Variants in TGM3 observed in about 807,000 individuals in gnomAD.
The protein encoded by TGM3 is protein-glutamine gamma-glutamyltransferase E.
In TGM3, 52 loss-of-function variants were observed where a neutral mutation model predicts 73.8. The ratio of observed to expected loss-of-function variants is 0.70; its 90% CI spans 0.56 to 0.89. The LOEUF (loss-of-function observed/expected upper bound fraction) is 0.89, where lower values mean the gene tolerates loss of function less well. Ranked by LOEUF, TGM3 falls within the 40% of genes least tolerant of loss-of-function variation. The pLI, the probability that TGM3 is intolerant of heterozygous loss-of-function variation, is 0.00. For synonymous variants in TGM3, 372 were observed against 354.9 expected, an observed-to-expected ratio of 1.05 and a Z score of -0.54; for missense variants, 928 against 909.9, an observed-to-expected ratio of 1.02 and a Z score of -0.26.
At chr20:2,322,065 T>A (rs1316694130) in intron 7 of TGM3, among the ~76,000 whole-genome samples, 1 of 152,010 alleles carries the variant, frequency 6.6e-6, no homozygotes, top group Non-Finnish European at 1.5e-5. Context: ...CTCACCCACC[T>A]GGGACCATCT....
chr20:2,324,755 T>C lies in TGM3; in HGVS notation c.984-1094T>C, dbSNP rs181435852. Among the ~76,000 whole-genome samples the C allele has an allele frequency of 3.6e-3, 544 of 152,340 alleles. 10 individuals are homozygous for C. The highest frequency in any genetic ancestry group is 0.032 in the Admixed American group (493 of 15,300). ...GGCTGCCTGTCGAGTTCTTGCTCCA[T>C]GTACTTTACCCCAACTGTGGCCTTT... is the stretch of plus-strand genomic sequence containing the variant. On this transcript the variant is annotated intron_variant, in intron 7 of 12. Coordinates refer to ENST00000381458, the MANE Select transcript of TGM3 (RefSeq NM_003245.4).
chr20:2,307,998 G>C (rs1337015534), intron 1 of TGM3, among the ~76,000 whole-genome samples: 1 of 152,138 alleles, frequency 6.6e-6, no homozygotes, highest in Non-Finnish European at 1.5e-5. Context: ...AAGACGTGCA[G>C]ATCACTTGAG....
chr20:2,325,195 T>C (rs566974467), intron 7 of TGM3, among the ~76,000 whole-genome samples: 27 of 151,518 alleles, frequency 1.8e-4, no homozygotes, highest in Non-Finnish European at 2.8e-4. Flanking sequence ...TCCATGGGAG[T>C]GGAGAGGAGA....
At chr20:2,309,564 C>T (rs1600694361) in intron 1 of TGM3, 93 bp from the exon 2 acceptor site, 1 of 1,338,506 alleles carries the variant, frequency 7.5e-7, no homozygotes, top group East Asian at 2.3e-5. Flanking sequence ...TGACAAGCCT[C>T]ACCCCAAAGC....
chr20:2,307,917 T>C (rs1409083794), intron 1 of TGM3, among the ~76,000 whole-genome samples: 1 of 152,056 alleles, frequency 6.6e-6, no homozygotes. Context: ...GTGCTAGGCA[T>C]CAGAATATAA....
At position 2,340,914 on chromosome 20, in the gene TGM3, C is replaced by G. The variant is rs568520189; in HGVS notation, c.*333C>G. On this transcript the variant is annotated 3_prime_UTR_variant, in exon 13 of 13. Coordinates refer to ENST00000381458, the MANE Select transcript of TGM3 (RefSeq NM_003245.4). ...GCCCCTGACCCAGGGACTCTCCAAACGGGATACAGGAGAGAAGCTGGTCTA... is the reference window on the plus strand; with the variant it reads ...GCCCCTGACCCAGGGACTCTCCAAAGGGGATACAGGAGAGAAGCTGGTCTA... 267 of 494,466 alleles carry G rather than the reference C, an allele frequency of 5.4e-4. 1 individual carries two copies. Among genetic ancestry groups the G allele is most frequent in the African/African-American group, 4.4e-3 (226 of 51,716 alleles). The allele number at this position is 494,466 out of a possible 1,614,324, so 30.6% of individuals were successfully genotyped here.
At chr20:2,337,455 A>T (rs932204105) in intron 11 of TGM3, among the ~76,000 whole-genome samples, 5 of 152,204 alleles carry the variant, frequency 3.3e-5, no homozygotes, top group Non-Finnish European at 5.9e-5. Context: ...GCGGTGGCTC[A>T]CTCTTGCAAT....
rs1434062894 is a variant in TGM3 at position 2,328,170 on chromosome 20, G to A, written c.1138G>A (p.Val380Met). ...GGTCATTGGTGTTCGAGAGGGTGAT[G>A]TGCAGCTGAACTTCGACATGCCCTT... Reference protein sequence around the residue: ...ASVIGVREGDVQLNFDMPFIF... With the variant: ...ASVIGVREGDMQLNFDMPFIF... The change falls in exon 9 of 13, where the codon GTG becomes ATG. Residue 380 changes from valine (V) to methionine (M), a missense_variant. Val to Met is a conservative substitution (Grantham distance 21). Transcript: ENST00000381458. This position sits in a 1 kb window ranked among gnomAD's most constrained non-coding sequence, Gnocchi z 5.2. 6.2e-7 allele frequency: 1 copy of A among 1,614,192 alleles called. No homozygotes were observed. The highest frequency in any genetic ancestry group is 1.1e-5 in the South Asian group (1 of 91,082).
At chr20:2,302,082 G>T (rs775100122) in intron 1 of TGM3, among the ~76,000 whole-genome samples, 2 of 152,166 alleles carry the variant, frequency 1.3e-5, no homozygotes, top group African/African-American at 2.4e-5. Context: ...GAAAAGGTGT[G>T]GGAAGTAGAG....
intron 1 of TGM3, among the ~76,000 whole-genome samples, chr20:2,296,462 T>G (rs1702300487): frequency 6.6e-6 from 1 of 152,110 alleles, no homozygotes; most frequent in Non-Finnish European, 1.5e-5. Flanking sequence ...TATCCAGCTG[T>G]CAGCAGTGTC....
intron 3 of TGM3, 72 bp from the exon 4 acceptor site, chr20:2,310,939 A>G: frequency 7.3e-7 from 1 of 1,361,424 alleles, no homozygotes; most frequent in Non-Finnish European, 1.0e-6. Flanking sequence ...CAGGAGTGGG[A>G]GGAGAGGAGG....
chr20:2,301,756 A>T (rs190486712), intron 1 of TGM3, among the ~76,000 whole-genome samples: 5 of 151,868 alleles, frequency 3.3e-5, no homozygotes, highest in Admixed American at 1.3e-4. Flanking sequence ...GCAGGAGTGC[A>T]GTGGTGAGAT....
At chr20:2,327,530 C>G (rs1278846155) in intron 8 of TGM3, among the ~76,000 whole-genome samples, 1 of 152,136 alleles carries the variant, frequency 6.6e-6, no homozygotes. Flanking sequence ...GACCATTGTC[C>G]TGTGAAACTT....
intron 7 of TGM3, among the ~76,000 whole-genome samples, chr20:2,319,037 A>G (rs1253387435): frequency 6.6e-6 from 1 of 152,194 alleles, no homozygotes; most frequent in Non-Finnish European, 1.5e-5. Flanking sequence ...TGATCTGCAC[A>G]TACACAACTT....
In TGM3 at chr20:2,328,169, T is replaced by A; in HGVS notation, c.1137T>A (p.Asp379Glu). 1 of 1,614,146 alleles carries A rather than the reference T, an allele frequency of 6.2e-7. No homozygotes were observed. The highest frequency in any genetic ancestry group is 8.5e-7 in the Non-Finnish European group (1 of 1,180,024). ...PASVIGVREG[D>E]VQLNFDMPFI... is the part of the protein sequence containing the mutation. ...CGGTCATTGGTGTTCGAGAGGGTGA[T>A]GTGCAGCTGAACTTCGACATGCCCT... Residue 379 changes from aspartate to glutamate, a missense_variant, in exon 9 of 13, where the codon GAT becomes GAA. Coordinates refer to ENST00000381458, the MANE Select transcript of TGM3 (RefSeq NM_003245.4). The surrounding 1 kb of genome is among the most constrained non-coding windows in gnomAD (Gnocchi z 5.2).
Position 2,332,633 on chromosome 20 carries a change from G to A in TGM3, c.1642+323G>A, listed in dbSNP as rs2084327808. Among the ~76,000 whole-genome samples, 1 of 152,126 alleles carries A rather than the reference G, an allele frequency of 6.6e-6. No individual in the cohort carries two copies. Among genetic ancestry groups the A allele is most frequent in the African/African-American group, 2.4e-5 (1 of 41,426 alleles). ...ACACAGTTTGACCGTCTAAAAAAAG[G>A]CAGATTTTCAGTGTCCATCTTATAG... is the stretch of plus-strand genomic sequence containing the variant. On this transcript the variant is annotated intron_variant, in intron 10 of 12. Coordinates refer to ENST00000381458, the MANE Select transcript of TGM3 (RefSeq NM_003245.4). The surrounding 1 kb of genome is among the most constrained non-coding windows in gnomAD (Gnocchi z 4.4).
rs748480763 is a variant in TGM3, at chr20:2,328,406, A to G, written c.1333+41A>G. The G allele has an allele frequency of 5.6e-6, 9 of 1,609,216 alleles. No homozygotes were observed. Among genetic ancestry groups the G allele is most frequent in the Non-Finnish European group, 7.6e-6 (9 of 1,176,738 alleles). On this transcript the variant is annotated intron_variant, in intron 9 of 12. Transcript: ENST00000381458. This position sits in a 1 kb window ranked among gnomAD's most constrained non-coding sequence, Gnocchi z 5.2. ...GCGGGGCAGTGCCGCGAGAGGTTCT[A>G]TTGTGGGAGGATGGCTCTGAGGCTG... is the stretch of plus-strand genomic sequence containing the variant.
intron 5 of TGM3, among the ~76,000 whole-genome samples, chr20:2,315,106 C>G (rs1015336899): frequency 1.3e-5 from 2 of 152,098 alleles, no homozygotes; most frequent in African/African-American, 4.8e-5. Flanking sequence ...GGGATTAAAG[C>G]CCTGGTGACT....
chr20:2,311,695 C>T (rs2122220778), intron 4 of TGM3, among the ~76,000 whole-genome samples: 1 of 152,234 alleles, frequency 6.6e-6, no homozygotes, highest in South Asian at 2.1e-4. Context: ...GGCGGGGTGC[C>T]TTGGATATCA....
Sources: allele counts gnomAD v4.1 joint callset (sites outside exome capture counted in the v4.1 genomes callset), GRCh38; gene constraint gnomAD v4.1.1; non-coding constraint Gnocchi (gnomAD v3.1); transcripts MANE v1.5; gene names NCBI Gene and HGNC (gene_info 2026-07-23, HGNC 2026-07-21).